PTPRZ1: variants seen among roughly 807,000 people sequenced by gnomAD.
The protein encoded by PTPRZ1 is protein tyrosine phosphatase receptor type Z1, also known as receptor-type tyrosine-protein phosphatase zeta.
PTPRZ1 carries 82 observed loss-of-function variants against 214.1 expected under a neutral mutation model. The ratio of observed to expected loss-of-function variants is 0.38; its 90% CI spans 0.32 to 0.46. PTPRZ1 has a LOEUF of 0.46. Among genes scored for constraint, PTPRZ1 ranks in the 20% least tolerant of loss-of-function variants. The pLI, the probability that PTPRZ1 is intolerant of heterozygous loss-of-function variation, is 1.00. For synonymous variants in PTPRZ1, 945 were observed against 987.9 expected (o/e 0.96, Z 0.81); for missense variants, 2,603 against 2,748.7 (o/e 0.95, Z 1.19).
intron 21 of PTPRZ1, among the ~76,000 whole-genome samples, chr7:122,041,187 A>G (rs1799721268): frequency 6.6e-6 from 1 of 152,172 alleles, no homozygotes; most frequent in African/African-American, 2.4e-5. Flanking sequence ...AGCACCACAT[A>G]TTTTTTGATG....
intron 2 of PTPRZ1, among the ~76,000 whole-genome samples, chr7:121,966,048 A>G (rs1797037876): frequency 1.3e-5 from 2 of 152,162 alleles, no homozygotes; most frequent in Admixed American, 1.3e-4. Context: ...AAGAGGTCTG[A>G]TTAGGGAAAT....
chr7:122,033,551 A>G (rs1156799418), intron 15 of PTPRZ1, among the ~76,000 whole-genome samples: 2 of 152,058 alleles, frequency 1.3e-5, no homozygotes, highest in Admixed American at 6.6e-5. Flanking sequence ...GTGTTATGCT[A>G]TCTAAATTTT....
chr7:122,043,009 A>G (rs1799779154), intron 22 of PTPRZ1, among the ~76,000 whole-genome samples: 1 of 152,166 alleles, frequency 6.6e-6, no homozygotes, highest in Non-Finnish European at 1.5e-5. Context: ...CTCAGTCTTC[A>G]CTTGGCTGTT....
At chr7:121,876,434 A>G (rs1038708986) in intron 1 of PTPRZ1, among the ~76,000 whole-genome samples, 3 of 152,208 alleles carry the variant, frequency 2.0e-5, no homozygotes, top group African/African-American at 7.2e-5. Flanking sequence ...TAAATATGTA[A>G]TGAATCAGAT....
At chr7:122,010,213 T>C in intron 11 of PTPRZ1, 121 bp from the exon 12 acceptor site, 2 of 898,500 alleles carry the variant, frequency 2.2e-6, no homozygotes, top group South Asian at 3.5e-5. Flanking sequence ...TACAGAATGG[T>C]GTTTTATGAG....
At chr7:121,875,302 C>T (rs913971689) in intron 1 of PTPRZ1, among the ~76,000 whole-genome samples, 1 of 152,148 alleles carries the variant, frequency 6.6e-6, no homozygotes, top group Admixed American at 6.5e-5. Flanking sequence ...AATCATGCAA[C>T]TTGTGGCCTT....
chr7:121,979,965 C>T (rs1043773867), intron 6 of PTPRZ1, among the ~76,000 whole-genome samples: 1 of 151,870 alleles, frequency 6.6e-6, no homozygotes, highest in African/African-American at 2.4e-5. Context: ...GACCAGGTGA[C>T]TGCTATTGAG....
Position 122,041,074 on chromosome 7 carries a change from T to C in PTPRZ1, c.5801+95T>C, listed in dbSNP as rs1329959056. 6.2e-6 allele frequency: 7 copies of C among 1,136,272 alleles called. No homozygotes were observed. In the East Asian group the frequency reaches 1.3e-4, roughly 22 times the overall value. 70.4% of individuals were successfully genotyped at this position (1,136,272 alleles called of 1,614,324 possible). On this transcript the variant is annotated intron_variant, in intron 21 of 29. Coordinates refer to ENST00000393386, the MANE Select transcript of PTPRZ1 (RefSeq NM_002851.3). ...AAAGCTTTTGCCCAAATGGGAATGA[T>C]TTCTTGAAATGAGGGTGATGAAATT...
At chr7:121,897,037 C>T (rs2116243248) in intron 1 of PTPRZ1, among the ~76,000 whole-genome samples, 1 of 152,276 alleles carries the variant, frequency 6.6e-6, no homozygotes, top group African/African-American at 2.4e-5. Context: ...AAGAGACTAG[C>T]TTGGTTTGTA....
At chr7:121,944,950 AT>A (rs1194465229) in intron 2 of PTPRZ1, among the ~76,000 whole-genome samples, 1 of 152,056 alleles carries the variant, frequency 6.6e-6, no homozygotes, top group Non-Finnish European at 1.5e-5. Flanking sequence ...CCCAGATTAC[AT>A]TTTTTGTCAT....
chr7:122,016,727 T>C (rs1584746042), intron 12 of PTPRZ1, among the ~76,000 whole-genome samples: 2 of 151,770 alleles, frequency 1.3e-5, no homozygotes, highest in African/African-American at 4.8e-5. Flanking sequence ...ATATCTCATA[T>C]ATATGTATGC....
Position 122,061,617 on chromosome 7 carries a change from G to C in PTPRZ1, c.*397G>C, listed in dbSNP as rs1792580042. 1 of 153,474 alleles carries C rather than the reference G, an allele frequency of 6.5e-6. No homozygotes were observed. The highest frequency in any genetic ancestry group is 2.1e-4 in the South Asian group (1 of 4,858). 9.5% of individuals were successfully genotyped at this position (153,474 alleles called of 1,614,324 possible). On this transcript the variant is annotated 3_prime_UTR_variant, in exon 30 of 30. Transcript: ENST00000393386. ...TGCTAGAAATATAACTTTTAATACA[G>C]TAGCCTGTAAATAAAACACTCTTCC...
In PTPRZ1 at chr7:122,040,876, C is replaced by A; in HGVS notation, c.5698C>A (p.Pro1900Thr). Residue 1900 changes from proline (P) to threonine (T), a missense_variant, in exon 21 of 30, where the codon CCT becomes ACT. Transcript: ENST00000393386. ...VVTQYHYTQW[P>T]DMGVPEYSLP... ...CACACAGTATCACTACACGCAGTGG[C>A]CTGACATGGGAGTACCAGAGTACTC... The A allele has an allele frequency of 6.2e-7, 1 of 1,606,624 alleles. No homozygotes were observed. The highest frequency in any genetic ancestry group is 8.5e-7 in the Non-Finnish European group (1 of 1,174,620).
At chr7:122,051,793 C>A in intron 24 of PTPRZ1, 73 bp from the exon 25 acceptor site, 1 of 1,341,016 alleles carries the variant, frequency 7.5e-7, no homozygotes. Context: ...AAAGATGGTA[C>A]AGTGCTGTGA....
chr7:121,895,363 A>G (rs1008189762), intron 1 of PTPRZ1, among the ~76,000 whole-genome samples: 7 of 152,160 alleles, frequency 4.6e-5, no homozygotes, highest in Admixed American at 3.9e-4. Context: ...GTAGGCTTTT[A>G]AGAAATAAGG....
At chr7:121,964,489 A>G (rs569446058) in intron 2 of PTPRZ1, among the ~76,000 whole-genome samples, 121 of 152,250 alleles carry the variant, frequency 7.9e-4, no homozygotes, top group African/African-American at 2.7e-3. Context: ...CAATGATTCA[A>G]TTGTCTCCAC....
In PTPRZ1 at chr7:122,011,543, C is replaced by T. The variant is rs760236914; in HGVS notation, c.2497C>T (p.Arg833Cys). The T allele has an allele frequency of 3.7e-6, 6 of 1,614,080 alleles. No homozygotes were observed. Among genetic ancestry groups the T allele is most frequent in the East Asian group, 4.5e-5 (2 of 44,878 alleles). The change falls in exon 12 of 30, where the codon CGC becomes TGC. Residue 833 changes from arginine to cysteine, a missense_variant. Arg to Cys is a radical substitution (Grantham distance 180). Coordinates refer to ENST00000393386, the MANE Select transcript of PTPRZ1 (RefSeq NM_002851.3). The stretch of plus-strand genomic sequence containing the variant: ...TGCTTCCTTCAGTAGTGAATTGTTT[C>T]GCCATCTGCATACAGTTTCTCAAAT... Reference protein sequence around the residue: ...SSASFSSELFRHLHTVSQILP... With the variant: ...SSASFSSELFCHLHTVSQILP...
At chr7:121,900,128 A>T (rs958795866) in intron 1 of PTPRZ1, among the ~76,000 whole-genome samples, 3 of 152,108 alleles carry the variant, frequency 2.0e-5, no homozygotes, top group African/African-American at 7.2e-5. Flanking sequence ...TGGATTTCAG[A>T]GTGCAGAGGT....
Position 122,013,442 on chromosome 7 carries a change from C to T in PTPRZ1, c.4396C>T (p.Leu1466Phe), listed in dbSNP as rs1188819495. Residue 1466 changes from leucine to phenylalanine, a missense_variant, in exon 12 of 30, where the codon CTT becomes TTT. Around this residue, in one of 6 missense-constraint regions of PTPRZ1, gnomAD observed 1,913 missense variants for 1,914.3 expected, o/e 1.00. Coordinates refer to ENST00000393386, the MANE Select transcript of PTPRZ1 (RefSeq NM_002851.3). ...TGATTCAGACACCCACGAAAACAGT[C>T]TTATGGATCAGAATAATCCAATCTC... ...MNDSDTHENS[L>F]MDQNNPISYS... 5 of 1,614,116 alleles carry T rather than the reference C, an allele frequency of 3.1e-6. No individual in the cohort carries two copies. The highest frequency in any genetic ancestry group is 4.2e-6 in the Non-Finnish European group (5 of 1,180,008).
Sources: allele counts gnomAD v4.1 joint callset (sites outside exome capture counted in the v4.1 genomes callset), GRCh38; gene constraint gnomAD v4.1.1; regional missense constraint gnomAD v4.1.1; transcripts MANE v1.5; gene names NCBI Gene and HGNC (gene_info 2026-07-23, HGNC 2026-07-21).